Variants in C2CD3 observed in about 807,000 individuals in gnomAD.
C2CD3 encodes the protein C2 domain containing 3 centriole elongation regulator, also known as C2 domain-containing protein 3.
Under a neutral mutation model 234.0 loss-of-function variants are expected in C2CD3, and 148 were observed. That is an observed-to-expected ratio of 0.63 (90% CI 0.55 to 0.72). The LOEUF (loss-of-function observed/expected upper bound fraction) is 0.72. C2CD3 is among the 30% of genes least tolerant of loss of function. The probability of loss-of-function intolerance (pLI) is 0.00; values close to 1 mark genes in which losing one functional copy is unlikely to be tolerated. For missense variants in C2CD3, 2,577 were observed against 2,811.5 expected, an observed-to-expected ratio of 0.92 and a Z score of 1.89; for synonymous variants, 1,000 against 1,035.4, an observed-to-expected ratio of 0.97 and a Z score of 0.66.
intron 11 of C2CD3, among the ~76,000 whole-genome samples, chr11:74,111,933 C>T (rs904493182): frequency 0.019 from 2,354 of 123,324 alleles, 40 homozygotes; most frequent in African/African-American, 0.043. Flanking sequence ...CACACACACA[C>T]ACACACACAC....
intron 11 of C2CD3, among the ~76,000 whole-genome samples, chr11:74,111,986 A>T (rs1185320629): frequency 1.3e-5 from 2 of 151,670 alleles, no homozygotes; most frequent in African/African-American, 4.9e-5. Flanking sequence ...ATATACACAC[A>T]CACATTATCT....
intron 2 of C2CD3, 72 bp from the exon 3 acceptor site, chr11:74,161,628 G>C: frequency 1.0e-6 from 1 of 963,496 alleles, no homozygotes; most frequent in Non-Finnish European, 1.5e-6. Flanking sequence ...GTGGGTAGAG[G>C]GGTATATGCG....
chr11:74,147,886 AT>A (rs981173397), intron 3 of C2CD3, among the ~76,000 whole-genome samples: 3 of 152,052 alleles, frequency 2.0e-5, no homozygotes, highest in Admixed American at 2.0e-4. Context: ...ACCCAAAAAG[AT>A]TTTTTTTGGT....
In C2CD3 at chr11:74,114,427, T is replaced by C; in HGVS notation, c.1687A>G (p.Ser563Gly). Residue 563 changes from serine to glycine, a missense_variant, in exon 10 of 33, where the codon AGC (serine) becomes GGC (glycine). Transcript: ENST00000334126. ...DSPQMTPGKK[S>G]YAGPPPKVTT... ...ACCTTAGGTGGTGGACCAGCATAGCTTTTTTTGCCAGGGGTCATCTGAGGA... is the reference window on the plus strand; with the variant it reads ...ACCTTAGGTGGTGGACCAGCATAGCCTTTTTTGCCAGGGGTCATCTGAGGA... The C allele has an allele frequency of 1.2e-6, 2 of 1,613,382 alleles. No homozygotes were observed. Among genetic ancestry groups the C allele is most frequent in the South Asian group, 2.2e-5 (2 of 91,048 alleles).
At chr11:74,054,536 A>G in intron 26 of C2CD3, 71 bp downstream of exon 26, 1 of 677,914 alleles carries the variant, frequency 1.5e-6, no homozygotes, top group Non-Finnish European at 2.5e-6. Context: ...AAAAAAAGGA[A>G]TGGTAGATTG....
chr11:74,127,472 CTTAAT>C (rs1957449422), intron 7 of C2CD3, among the ~76,000 whole-genome samples: 1 of 150,694 alleles, frequency 6.6e-6, no homozygotes, highest in Non-Finnish European at 1.5e-5. Context: ...ATTGGGGTTG[CTTAAT>C]TTTTTTTTTT....
intron 3 of C2CD3, among the ~76,000 whole-genome samples, chr11:74,158,020 T>C (rs1404635429): frequency 6.6e-6 from 1 of 152,242 alleles, no homozygotes; most frequent in Non-Finnish European, 1.5e-5. Flanking sequence ...CCTCTCATCA[T>C]ACATAAAAAT....
chr11:74,106,000 C>T (rs1020670996), intron 13 of C2CD3, among the ~76,000 whole-genome samples: 15 of 152,228 alleles, frequency 9.9e-5, no homozygotes, highest in African/African-American at 3.6e-4. Flanking sequence ...CTCTCTCTTG[C>T]TCACTATCCT....
At chr11:74,117,074 GAATATA>G (rs1957009427) in intron 9 of C2CD3, among the ~76,000 whole-genome samples, 1 of 48,922 alleles carries the variant, frequency 2.0e-5, no homozygotes, top group African/African-American at 1.8e-4. Flanking sequence ...ATATATATAT[GAATATA>G]TATATGAATA....
chr11:74,089,564 G>C (rs1955796608), intron 20 of C2CD3, among the ~76,000 whole-genome samples: 2 of 152,192 alleles, frequency 1.3e-5, no homozygotes, highest in African/African-American at 2.4e-5. Context: ...TGAACAGTTT[G>C]ACCCTCAGCT....
intron 24 of C2CD3, 57 bp from the exon 25 acceptor site, chr11:74,057,601 T>G: frequency 6.4e-7 from 1 of 1,570,934 alleles, no homozygotes; most frequent in East Asian, 2.2e-5. Context: ...AGCCTCAGAT[T>G]ATACAGGCAC....
At chr11:74,028,055 C>T (rs1952375444) in intron 32 of C2CD3, among the ~76,000 whole-genome samples, 1 of 152,186 alleles carries the variant, frequency 6.6e-6, no homozygotes, top group South Asian at 2.1e-4. Flanking sequence ...TTTTCTTCCC[C>T]ATGTCAGTCT....
chr11:74,080,225 A>G (rs186424005), intron 22 of C2CD3, among the ~76,000 whole-genome samples: 4 of 152,342 alleles, frequency 2.6e-5, no homozygotes, highest in Admixed American at 2.0e-4. Flanking sequence ...ATTTAGGCTT[A>G]TTGAGATTAA....
Position 74,106,447 on chromosome 11 carries a change from T to C in C2CD3, c.2009A>G (p.Gln670Arg), listed in dbSNP as rs1956522916. ...SVSLSLRAVI[Q>R]SELLSFSDQL... ...ATCACTGAAAGAAAGCAGCTCTGAT[T>C]GAATGACAGCTCGCAAAGAAAGTGA... Residue 670 changes from glutamine (Q) to arginine (R), a missense_variant, in exon 13 of 33, where the codon CAA (glutamine) becomes CGA (arginine). By Grantham distance (43) the Gln-to-Arg change is conservative (BLOSUM62 1). Transcript: ENST00000334126. The C allele has an allele frequency of 6.2e-7, 1 of 1,613,952 alleles. No homozygotes were observed. The highest frequency in any genetic ancestry group is 1.3e-5 in the African/African-American group (1 of 74,936).
chr11:74,023,467 C>T (rs1952168461), intron 32 of C2CD3, among the ~76,000 whole-genome samples: 1 of 152,242 alleles, frequency 6.6e-6, no homozygotes, highest in Admixed American at 6.5e-5. Flanking sequence ...GAGCTGCTGA[C>T]TGTGCCTGAA....
chr11:74,034,605 C>T (rs1211292559), intron 30 of C2CD3: 9 of 1,612,282 alleles, frequency 5.6e-6, no homozygotes, highest in Non-Finnish European at 7.6e-6. Flanking sequence ...ACTTCAGTAA[C>T]TACCTATATT....
chr11:74,124,630 C>T lies in C2CD3; in HGVS notation c.1218-1495G>A, dbSNP rs559286999. ...TAGTAACTCTCAAAGGTCAGAACAG[C>T]TTCCTAACTGCCATAATCCAACTAA... On this transcript the variant is annotated intron_variant, in intron 7 of 32. Transcript: ENST00000334126. Among the ~76,000 whole-genome samples the T allele has an allele frequency of 3.3e-5, 5 of 152,294 alleles. No individual in the cohort carries two copies. In the South Asian group the frequency reaches 1.0e-3, roughly 32 times the overall value.
chr11:74,055,277 A>G (rs759920805), intron 25 of C2CD3, among the ~76,000 whole-genome samples: 2 of 152,236 alleles, frequency 1.3e-5, no homozygotes, highest in African/African-American at 2.4e-5. Context: ...TCAATGCTAC[A>G]CCATGCAGAG....
At chr11:74,161,857 C>T (rs1210767198) in intron 2 of C2CD3, among the ~76,000 whole-genome samples, 1 of 149,798 alleles carries the variant, frequency 6.7e-6, no homozygotes, top group Non-Finnish European at 1.5e-5. Context: ...TCTCTGTCGC[C>T]CAGGCTGGAG....
Sources: gnomAD v4.1 joint callset for allele counts (sites outside exome capture counted in the v4.1 genomes callset) on GRCh38, gnomAD v4.1.1 for gene constraint, MANE v1.5 for transcripts, NCBI Gene and HGNC (gene_info 2026-07-23, HGNC 2026-07-21) for gene names.